DPH6: variants seen among roughly 807,000 people sequenced by gnomAD.
DPH6 encodes the protein diphthine--ammonia ligase.
DPH6 carries 33 observed loss-of-function variants against 38.2 expected under a neutral mutation model. The ratio of observed to expected loss-of-function variants is 0.86; its 90% confidence interval spans 0.65 to 1.15. The LOEUF is 1.15. Among genes scored for constraint, DPH6 ranks in the 50% most tolerant of loss-of-function variants. DPH6 has a pLI of 0.00. For missense variants in DPH6, 325 were observed against 320.0 expected, an observed-to-expected ratio of 1.02 and a Z score of -0.12; for synonymous variants, 108 against 103.0, an observed-to-expected ratio of 1.05 and a Z score of -0.30.
At chr15:35,467,967 C>G (rs1195407687) in intron 3 of DPH6, among the ~76,000 whole-genome samples, 2 of 152,182 alleles carry the variant, frequency 1.3e-5, no homozygotes, top group African/African-American at 4.8e-5. Context: ...TACGGAAACA[C>G]CGTATACATG....
intron 3 of DPH6, among the ~76,000 whole-genome samples, chr15:35,361,485 T>A (rs2052613725): frequency 6.6e-6 from 1 of 150,596 alleles, no homozygotes; most frequent in Non-Finnish European, 1.5e-5. Context: ...ATTTGGGAAA[T>A]TTTCAGCCAT....
At chr15:35,426,625 C>T (rs1177935277) in intron 5 of DPH6, among the ~76,000 whole-genome samples, 4 of 151,758 alleles carry the variant, frequency 2.6e-5, no homozygotes, top group Non-Finnish European at 5.9e-5. Flanking sequence ...GAAGGCTGCA[C>T]AATTCAAGCT....
intron 6 of DPH6, among the ~76,000 whole-genome samples, chr15:35,393,557 A>G (rs2053088160): frequency 6.6e-6 from 1 of 152,200 alleles, no homozygotes; most frequent in South Asian, 2.1e-4. Context: ...GGTGGAACTC[A>G]GCAAGGCCAA....
downstream of DPH6, among the ~76,000 whole-genome samples, chr15:35,330,257 T>C (rs897378878): frequency 1.3e-5 from 2 of 152,180 alleles, no homozygotes; most frequent in Non-Finnish European, 2.9e-5. Context: ...CAATCTATCA[T>C]GCGAATACGT....
At chr15:35,393,463 T>C (rs1043886899) in intron 6 of DPH6, among the ~76,000 whole-genome samples, 1 of 152,102 alleles carries the variant, frequency 6.6e-6, no homozygotes, top group South Asian at 2.1e-4. Flanking sequence ...AAACAGGAAA[T>C]GGTTTTTTTG....
At chr15:35,180,081 G>C in the DPH6 span, among the ~76,000 whole-genome samples, 42,735 of 151,934 alleles carry the variant, frequency 0.28, 6,682 homozygotes, top group East Asian at 0.68. Context: ...GAATATGCAT[G>C]AAAATATTAA....
intron 5 of DPH6, among the ~76,000 whole-genome samples, chr15:35,420,444 AG>A (rs1233840508): frequency 1.3e-5 from 2 of 152,232 alleles, no homozygotes; most frequent in African/African-American, 4.8e-5. Context: ...AACAAAGATT[AG>A]GGCATAAATA....
intron 3 of DPH6, among the ~76,000 whole-genome samples, chr15:35,303,773 A>C (rs943146998): frequency 6.6e-6 from 1 of 151,350 alleles, no homozygotes; most frequent in Non-Finnish European, 1.5e-5. Flanking sequence ...GAATGGGAAT[A>C]TAGTCATCTT....
intron 3 of DPH6, among the ~76,000 whole-genome samples, chr15:35,318,993 T>C (rs2052217103): frequency 6.6e-6 from 1 of 152,172 alleles, no homozygotes; most frequent in South Asian, 2.1e-4. Flanking sequence ...TTCACCTACT[T>C]GGTTGCCACA....
At chr15:35,483,162 T>C (rs898883142) in intron 3 of DPH6, among the ~76,000 whole-genome samples, 4 of 151,568 alleles carry the variant, frequency 2.6e-5, no homozygotes, top group African/African-American at 9.7e-5. Flanking sequence ...AATCAGGAAA[T>C]GGAAATTAAA....
chr15:35,374,025 A>G (rs2052748380), intron 7 of DPH6, among the ~76,000 whole-genome samples: 1 of 152,038 alleles, frequency 6.6e-6, no homozygotes, highest in Non-Finnish European at 1.5e-5. Flanking sequence ...AATCTCAATT[A>G]TCCTTCACAA....
chr15:35,343,421 TTAAA>T (rs1238432111), intron 3 of DPH6, among the ~76,000 whole-genome samples: 1 of 152,112 alleles, frequency 6.6e-6, no homozygotes, highest in Non-Finnish European at 1.5e-5. Context: ...CACTTTATTC[TTAAA>T]TAATCACCCT....
At chr15:35,482,728 G>A (rs377571873) in intron 3 of DPH6, among the ~76,000 whole-genome samples, 4 of 152,050 alleles carry the variant, frequency 2.6e-5, no homozygotes, top group East Asian at 3.9e-4. Flanking sequence ...AATTGTAGAC[G>A]TAAAGGTAAG....
chr15:35,512,536 C>G (rs2054789405), intron 3 of DPH6, among the ~76,000 whole-genome samples: 1 of 152,096 alleles, frequency 6.6e-6, no homozygotes, highest in Admixed American at 6.6e-5. Flanking sequence ...TGGAAACTGA[C>G]TTCTCACAAT....
At chr15:35,283,763 C>T (rs902907524) in intron 3 of DPH6, among the ~76,000 whole-genome samples, 3 of 141,780 alleles carry the variant, frequency 2.1e-5, no homozygotes, top group Admixed American at 2.1e-4. Flanking sequence ...ATAGTACACA[C>T]ACACACACAC....
At chr15:35,265,824 G>A (rs1049250215) in intron 3 of DPH6, among the ~76,000 whole-genome samples, 7 of 152,036 alleles carry the variant, frequency 4.6e-5, no homozygotes, top group African/African-American at 7.2e-5. Flanking sequence ...CTTTTATATC[G>A]CTGTCATATG....
At chr15:35,398,188 C>T (rs1227267200) in intron 6 of DPH6, among the ~76,000 whole-genome samples, 4 of 152,100 alleles carry the variant, frequency 2.6e-5, no homozygotes, top group Non-Finnish European at 5.9e-5. Context: ...TGGTCTTTGA[C>T]CCCAGTTCCA....
At chr15:35,357,812 A>C (rs1370969017) in intron 3 of DPH6, among the ~76,000 whole-genome samples, 1 of 152,194 alleles carries the variant, frequency 6.6e-6, no homozygotes, top group Non-Finnish European at 1.5e-5. Flanking sequence ...CACAGCTCTT[A>C]AGATTCTTTC....
At chr15:35,269,389 G>T (rs980703029) in intron 3 of DPH6, among the ~76,000 whole-genome samples, 1 of 152,164 alleles carries the variant, frequency 6.6e-6, no homozygotes, top group Non-Finnish European at 1.5e-5. Context: ...TGAACAAAAT[G>T]AGATGTTTAG....
Sources: allele counts gnomAD v4.1 joint callset (sites outside exome capture counted in the v4.1 genomes callset), GRCh38; gene constraint gnomAD v4.1.1; transcripts MANE v1.5; gene names NCBI Gene and HGNC (gene_info 2026-07-23, HGNC 2026-07-21).